The following STK32A variants were observed in gnomAD, a reference collection of about 807,000 sequenced individuals.
STK32A encodes the protein serine/threonine-protein kinase 32A.
In STK32A, 41 loss-of-function variants were observed where a neutral mutation model predicts 53.2. That is an observed-to-expected ratio of 0.77 (90% CI 0.60 to 1.00). The LOEUF (loss-of-function observed/expected upper bound fraction) is 1.00. STK32A is among the 50% of genes least tolerant of loss of function. STK32A has a pLI of 0.00. For synonymous variants in STK32A, 166 were observed against 162.8 expected, an observed-to-expected ratio of 1.02 and a Z score of -0.15; for missense variants, 458 against 485.8, an observed-to-expected ratio of 0.94 and a Z score of 0.54.
chr5:147,396,544 A>T, the STK32A span, among the ~76,000 whole-genome samples: 1 of 152,154 alleles, frequency 6.6e-6, no homozygotes, highest in African/African-American at 2.4e-5. Flanking sequence ...TCATCACAAG[A>T]AGTCCTGTCA....
Position 147,267,717 on chromosome 5 carries a change from G to A in STK32A, c.53-10407G>A, listed in dbSNP as rs532946386. Reference sequence around the variant, plus strand: ...ATAAGGATAGAGGCAACATGGAGGGGGAAGTCTAAGAAATTGATTGAGTCA... The same window carrying A: ...ATAAGGATAGAGGCAACATGGAGGGAGAAGTCTAAGAAATTGATTGAGTCA... On this transcript the variant is annotated intron_variant, in intron 2 of 12. Transcript: ENST00000397936. Among the ~76,000 whole-genome samples, 7 of 152,166 alleles carry A rather than the reference G, an allele frequency of 4.6e-5. No homozygotes were observed. In the South Asian group the frequency reaches 1.5e-3, roughly 32 times the overall value.
chr5:147,262,972 T>C (rs1754650424), intron 2 of STK32A, among the ~76,000 whole-genome samples: 1 of 150,280 alleles, frequency 6.7e-6, no homozygotes, highest in Non-Finnish European at 1.5e-5. Flanking sequence ...AAACTAGTCA[T>C]GTCCCTTCTA....
At position 147,289,887 on chromosome 5, in the gene STK32A, G is replaced by A. The variant is rs149512064; in HGVS notation, c.260+10489G>A. Reference sequence around the variant, plus strand: ...CTTCTTTCACCTATATGTTTACTGAGCATCGAAAACAAGTTATAATTTGAT... The same window carrying A: ...CTTCTTTCACCTATATGTTTACTGAACATCGAAAACAAGTTATAATTTGAT... On this transcript the variant is annotated intron_variant, in intron 4 of 12. Coordinates refer to ENST00000397936, the MANE Select transcript of STK32A (RefSeq NM_001112724.2). Among the ~76,000 whole-genome samples the A allele has an allele frequency of 1.6e-3, 244 of 152,132 alleles. 1 individual carries two copies. The highest frequency in any genetic ancestry group is 5.8e-3 in the African/African-American group (239 of 41,510).
chr5:147,325,713 T>A (rs1754551875), intron 5 of STK32A, among the ~76,000 whole-genome samples: 1 of 152,184 alleles, frequency 6.6e-6, no homozygotes, highest in Non-Finnish European at 1.5e-5. Flanking sequence ...GCACACCTGG[T>A]GTTTTTTTCA....
intron 4 of STK32A, among the ~76,000 whole-genome samples, chr5:147,294,002 G>T (rs892159155): frequency 2.0e-5 from 3 of 152,200 alleles, no homozygotes; most frequent in East Asian, 3.9e-4. Context: ...GACTGCAGAA[G>T]ATAAGATTTT....
chr5:147,399,280 T>C, the STK32A span: 5 of 1,607,006 alleles, frequency 3.1e-6, no homozygotes, highest in East Asian at 2.2e-5. Flanking sequence ...ATTATATCTA[T>C]ATCTATAGCT....
chr5:147,335,815 A>G (rs1755088582), intron 5 of STK32A, among the ~76,000 whole-genome samples: 2 of 152,106 alleles, frequency 1.3e-5, no homozygotes, highest in Non-Finnish European at 2.9e-5. Flanking sequence ...GCGCGCGTGC[A>G]TGCGTGCGCG....
chr5:147,291,998 A>T (rs1752621624), intron 4 of STK32A, among the ~76,000 whole-genome samples: 1 of 152,222 alleles, frequency 6.6e-6, no homozygotes, highest in Non-Finnish European at 1.5e-5. Context: ...TAAACTAGAT[A>T]TTGAAGCCAA....
At chr5:147,346,116 CTGT>C (rs1206419629) in intron 6 of STK32A, among the ~76,000 whole-genome samples, 2 of 152,132 alleles carry the variant, frequency 1.3e-5, no homozygotes, top group African/African-American at 4.8e-5. Flanking sequence ...GAACAAATTC[CTGT>C]TGTTCACCTC....
At chr5:147,238,854 G>T (rs561897495) in intron 1 of STK32A, among the ~76,000 whole-genome samples, 2 of 151,470 alleles carry the variant, frequency 1.3e-5, no homozygotes, top group Admixed American at 6.6e-5. Context: ...TAATATATAC[G>T]TTAATATATA....
At chr5:147,318,479 G>A (rs895766459) in intron 4 of STK32A, among the ~76,000 whole-genome samples, 1 of 151,704 alleles carries the variant, frequency 6.6e-6, no homozygotes, top group African/African-American at 2.4e-5. Context: ...GAAATTATAG[G>A]GCAACAAGGG....
intron 5 of STK32A, among the ~76,000 whole-genome samples, chr5:147,325,680 C>T (rs539315622): frequency 1.3e-4 from 20 of 152,182 alleles, no homozygotes; most frequent in African/African-American, 4.3e-4. Context: ...CAGTTAATTA[C>T]GTAGGATCTC....
chr5:147,275,653 C>T (rs1481734395), intron 2 of STK32A, among the ~76,000 whole-genome samples: 2 of 152,114 alleles, frequency 1.3e-5, no homozygotes, highest in Non-Finnish European at 2.9e-5. Flanking sequence ...CTATCATTGG[C>T]TTTCCCATTA....
intron 4 of STK32A, among the ~76,000 whole-genome samples, chr5:147,306,093 C>A (rs540029051): frequency 6.6e-6 from 1 of 152,108 alleles, no homozygotes; most frequent in African/African-American, 2.4e-5. Context: ...AGTCAAGTTG[C>A]TCCAAAGCAT....
chr5:147,375,468 A>G, intron 11 of STK32A: 1 of 346,188 alleles, frequency 2.9e-6, no homozygotes, highest in Non-Finnish European at 5.1e-6. Context: ...TCTCTCTTCC[A>G]GTTCTCAATT....
At chr5:147,327,820 G>A (rs924002301) in intron 5 of STK32A, among the ~76,000 whole-genome samples, 2 of 152,278 alleles carry the variant, frequency 1.3e-5, no homozygotes, top group African/African-American at 4.8e-5. Flanking sequence ...TCTCCAGCCT[G>A]CAGATGCTCA....
At position 147,271,000 on chromosome 5, in the gene STK32A, A is replaced by ATTTT. The variant is rs10590732; in HGVS notation, c.53-7112_53-7109dup. Among the ~76,000 whole-genome samples, 455 of 148,632 alleles carry ATTTT rather than the reference A, an allele frequency of 3.1e-3. 1 individual carries two copies. The highest frequency in any genetic ancestry group is 0.011 in the African/African-American group (425 of 40,472). On this transcript the variant is annotated intron_variant, in intron 2 of 12. Transcript: ENST00000397936. ...AAAGTAGTTTTGGTAATCATAGATA[A>ATTTT]TTTTTTTTTTTTTTTGACGGTGTCT...
intron 2 of STK32A, among the ~76,000 whole-genome samples, chr5:147,241,499 C>CAAACAAAT (rs1753581003): frequency 6.6e-6 from 1 of 152,028 alleles, no homozygotes; most frequent in South Asian, 2.1e-4. Context: ...AACAAACAAA[C>CAAACAAAT]AAACAAAAAA....
intron 2 of STK32A, among the ~76,000 whole-genome samples, chr5:147,242,035 C>T (rs187220765): frequency 1.3e-4 from 20 of 152,198 alleles, no homozygotes; most frequent in African/African-American, 4.3e-4. Flanking sequence ...AATAAGATAC[C>T]CCTTTTTAGT....
Sources: gnomAD v4.1 joint callset for allele counts (sites outside exome capture counted in the v4.1 genomes callset) on GRCh38, gnomAD v4.1.1 for gene constraint, MANE v1.5 for transcripts, NCBI Gene and HGNC (gene_info 2026-07-23, HGNC 2026-07-21) for gene names.